Variants in PPP4R3B observed in about 807,000 individuals in gnomAD.
PPP4R3B encodes protein phosphatase 4 regulatory subunit 3B, also known as serine/threonine-protein phosphatase 4 regulatory subunit 3B.
PPP4R3B carries 52 observed loss-of-function variants against 95.4 expected under a neutral mutation model. That is an observed-to-expected ratio of 0.54 (90% CI 0.44 to 0.69). The LOEUF (loss-of-function observed/expected upper bound fraction) is 0.69. Ranked by LOEUF, PPP4R3B falls within the 30% of genes least tolerant of loss-of-function variation. The pLI is 0.00. For synonymous variants in PPP4R3B, 407 were observed against 343.9 expected (o/e 1.18, Z -2.03); for missense variants, 1,003 against 1,005.9 (o/e 1.00, Z 0.04).
intron 13 of PPP4R3B, among the ~76,000 whole-genome samples, chr2:55,567,372 T>G (rs1482191638): frequency 6.6e-6 from 1 of 152,216 alleles, no homozygotes; most frequent in African/African-American, 2.4e-5. Context: ...CTTAAAATTC[T>G]AGGATTCCAT....
chr2:55,556,582 C>T lies in PPP4R3B; in HGVS notation c.2454+2193G>A, dbSNP rs555566735. On this transcript the variant is annotated intron_variant, in intron 16 of 16. Coordinates refer to ENST00000616407, the MANE Select transcript of PPP4R3B (RefSeq NM_001122964.3). ...TGATTTTTTTCTAATATAAACTTGC[C>T]TTTTGGTAATATTTGACTTTTGAAA... is the stretch of plus-strand genomic sequence containing the variant. 5.3e-5 allele frequency among the ~76,000 whole-genome samples: 8 copies of T among 149,744 alleles called. No individual in the cohort carries two copies. The South Asian group carries it at 1.5e-3, about 28-fold the overall frequency.
intron 15 of PPP4R3B, among the ~76,000 whole-genome samples, chr2:55,560,764 G>C (rs1224740582): frequency 1.6e-5 from 2 of 122,180 alleles, no homozygotes; most frequent in African/African-American, 3.2e-5. Flanking sequence ...GCAACAGAGA[G>C]AGACTCCATC....
intron 14 of PPP4R3B, 106 bp downstream of exon 14, chr2:55,564,796 G>T (rs1687077495): frequency 7.4e-7 from 1 of 1,355,180 alleles, no homozygotes; most frequent in East Asian, 2.3e-5. Context: ...ATGCTATCCA[G>T]TGATGGAAAG....
intron 16 of PPP4R3B, among the ~76,000 whole-genome samples, chr2:55,551,773 T>TA (rs1685276073): frequency 6.6e-6 from 1 of 151,878 alleles, no homozygotes; most frequent in Non-Finnish European, 1.5e-5. Flanking sequence ...AATAAATAAA[T>TA]AAATAGATAA....
intron 6 of PPP4R3B, 124 bp downstream of exon 6, chr2:55,586,494 G>A (rs999912753): frequency 7.3e-6 from 4 of 547,468 alleles, no homozygotes; most frequent in Non-Finnish European, 9.5e-6. Flanking sequence ...AGATATTCTT[G>A]TAATTCAATT....
rs1245472635 is a variant in PPP4R3B, at chr2:55,578,228, C to T, written c.1564+19G>A. 7.2e-7 allele frequency: 1 copy of T among 1,390,704 alleles called. No individual in the cohort carries two copies. Among genetic ancestry groups the T allele is most frequent in the Non-Finnish European group, 9.3e-7 (1 of 1,070,036 alleles). The allele number at this position is 1,390,704 out of a possible 1,614,324, so 86.1% of individuals were successfully genotyped here. ...AACATAAGTAAATATAGGAGTGATA[C>T]ACTCCAAATTCAGCATACCTTGAGA... On this transcript the variant is annotated intron_variant, in intron 10 of 16. Coordinates refer to ENST00000616407, the MANE Select transcript of PPP4R3B (RefSeq NM_001122964.3).
chr2:55,561,261 T>C lies in PPP4R3B; in HGVS notation c.2261-2293A>G, dbSNP rs375564634. Among the ~76,000 whole-genome samples the C allele has an allele frequency of 2.0e-5, 3 of 152,354 alleles. No individual in the cohort carries two copies. In the East Asian group the frequency reaches 5.8e-4, roughly 29 times the overall value. ...GCAAGAACTGAGGTTTGGTAACCTC[T>C]GATTCTCAAACCACCTAGATTTCAG... On this transcript the variant is annotated intron_variant, in intron 15 of 16. Coordinates refer to ENST00000616407, the MANE Select transcript of PPP4R3B (RefSeq NM_001122964.3).
chr2:55,550,762 A>G (rs376385978), intron 16 of PPP4R3B, among the ~76,000 whole-genome samples: 37 of 152,330 alleles, frequency 2.4e-4, no homozygotes, highest in African/African-American at 8.4e-4. Flanking sequence ...AGGAGATAAA[A>G]CAAATACAAC....
At chr2:55,565,603 C>T (rs56187744) in intron 13 of PPP4R3B, 3,506 of 152,194 alleles carry the variant, frequency 0.023, 70 homozygotes, top group South Asian at 0.1. Flanking sequence ...GTACCAAATA[C>T]ATCTGTATAA....
chr2:55,599,562 G>A (rs1692267235), intron 3 of PPP4R3B, among the ~76,000 whole-genome samples: 1 of 152,180 alleles, frequency 6.6e-6, no homozygotes, highest in Non-Finnish European at 1.5e-5. Flanking sequence ...CAGCATTAAG[G>A]AGAAATCAAC....
At chr2:55,601,441 C>T (rs373496901) in intron 3 of PPP4R3B, among the ~76,000 whole-genome samples, 8 of 150,944 alleles carry the variant, frequency 5.3e-5, no homozygotes, top group East Asian at 4.0e-4. Context: ...AGTGCAATGG[C>T]GCGATCTCGG....
Position 55,603,963 on chromosome 2 carries a change from T to C in PPP4R3B, c.297+15A>G. On this transcript the variant is annotated intron_variant, in intron 3 of 16. Coordinates refer to ENST00000616407, the MANE Select transcript of PPP4R3B (RefSeq NM_001122964.3). Reference sequence around the variant, plus strand: ...GAAGCAAACATTAAGTTAAATATTATAAAAAGAAACTTACCTGACAAATTT... The same window carrying C: ...GAAGCAAACATTAAGTTAAATATTACAAAAAGAAACTTACCTGACAAATTT... 6.4e-7 allele frequency: 1 copy of C among 1,570,616 alleles called. No individual in the cohort carries two copies. The highest frequency in any genetic ancestry group is 1.2e-5 in the South Asian group (1 of 83,480).
intron 11 of PPP4R3B, 46 bp downstream of exon 11, chr2:55,577,269 A>G: frequency 6.6e-7 from 1 of 1,515,330 alleles, no homozygotes; most frequent in Non-Finnish European, 8.8e-7. Flanking sequence ...GAGTAGAAAA[A>G]AGTTTATAAT....
intron 2 of PPP4R3B, among the ~76,000 whole-genome samples, chr2:55,612,067 T>A (rs75939117): frequency 1.2e-4 from 19 of 152,266 alleles, no homozygotes; most frequent in Admixed American, 6.5e-4. Context: ...AAATGGCCTA[T>A]AAACATCTCA....
At chr2:55,579,963 A>G (rs148506175) in intron 8 of PPP4R3B, among the ~76,000 whole-genome samples, 182 bp from the exon 9 acceptor site, 1 of 152,198 alleles carries the variant, frequency 6.6e-6, no homozygotes, top group Non-Finnish European at 1.5e-5. Context: ...ATACGTTGTC[A>G]AAGAACCAAA....
At chr2:55,586,886 A>T (rs2104316514) in intron 5 of PPP4R3B, 152 bp from the exon 6 acceptor site, 1 of 481,914 alleles carries the variant, frequency 2.1e-6, no homozygotes, top group Non-Finnish European at 3.7e-6. Flanking sequence ...AAAACAAATT[A>T]AAAACTAGCA....
chr2:55,566,306 G>C (rs759978613), intron 13 of PPP4R3B, among the ~76,000 whole-genome samples: 1 of 152,126 alleles, frequency 6.6e-6, no homozygotes, highest in Non-Finnish European at 1.5e-5. Context: ...AATACATTAA[G>C]TTTTGGGGCA....
intron 11 of PPP4R3B, among the ~76,000 whole-genome samples, chr2:55,574,224 G>C (rs938762975): frequency 2.0e-5 from 3 of 151,098 alleles, no homozygotes; most frequent in African/African-American, 7.3e-5. Flanking sequence ...CATTTAAAAG[G>C]CTGTAGATTT....
chr2:55,568,328 T>A lies in PPP4R3B; in HGVS notation c.1801A>T (p.Lys601Ter). Residue 601 changes from lysine (K) to a stop codon, truncating the protein, a stop_gained, in exon 13 of 17, where the codon AAA (lysine) becomes TAA (stop). Transcript: ENST00000616407. LOFTEE classifies it high-confidence loss of function. ...LRFMRRIIGL[K>*]DEFYNRYITK... is the part of the protein sequence containing the mutation. The stretch of plus-strand genomic sequence containing the variant: ...ATGTAACGATTATAAAATTCATCTT[T>A]AAGTCCAATTATCCGCCTCATAAAG... 1 of 1,604,456 alleles carries A rather than the reference T, an allele frequency of 6.2e-7. No individual in the cohort carries two copies. Among genetic ancestry groups the A allele is most frequent in the Non-Finnish European group, 8.5e-7 (1 of 1,176,534 alleles).
Sources: gnomAD v4.1 joint callset for allele counts (sites outside exome capture counted in the v4.1 genomes callset) on GRCh38, gnomAD v4.1.1 for gene constraint, MANE v1.5 for transcripts, NCBI Gene and HGNC (gene_info 2026-07-23, HGNC 2026-07-21) for gene names.